The following MAMLD1 variants were observed in gnomAD, a reference collection of about 807,000 sequenced individuals.
MAMLD1 encodes mastermind like domain containing 1.
A neutral mutation model predicts 45.0 loss-of-function variants in MAMLD1; 14 were observed. The observed-to-expected ratio is 0.31, with a 90% CI of 0.21 to 0.49. MAMLD1 has a LOEUF of 0.49. Ranked by LOEUF, MAMLD1 falls within the 20% of genes least tolerant of loss-of-function variation. The pLI is 0.99. For synonymous variants in MAMLD1, 254 were observed against 247.8 expected, an observed-to-expected ratio of 1.02 and a Z score of -0.24; for missense variants, 543 against 603.6, an observed-to-expected ratio of 0.90 and a Z score of 1.05.
intron 1 of MAMLD1, among the ~76,000 whole-genome samples, chrX:150,415,397 G>C (rs1391397149): frequency 8.9e-6 from 1 of 112,563 alleles, no homozygotes; most frequent in African/African-American, 3.2e-5. Flanking sequence ...ATGCATTAAG[G>C]TTACATCGTT....
intron 4 of MAMLD1, among the ~76,000 whole-genome samples, chrX:150,471,742 A>G (rs1333312203): frequency 4.5e-5 from 5 of 112,197 alleles, no homozygotes; most frequent in African/African-American, 1.6e-4. Flanking sequence ...TGCACCCACA[A>G]GGTGCTCCCG....
intron 1 of MAMLD1, among the ~76,000 whole-genome samples, chrX:150,395,142 G>A (rs1309145045): frequency 9.0e-6 from 1 of 111,231 alleles, no homozygotes; most frequent in African/African-American, 3.3e-5. Context: ...TATCATGAAT[G>A]GGTGTTGGAT....
chrX:150,460,965 A>T (rs979163322), intron 2 of MAMLD1, among the ~76,000 whole-genome samples: 1 of 112,612 alleles, frequency 8.9e-6, no homozygotes, highest in African/African-American at 3.2e-5. Flanking sequence ...GGGACCTCGC[A>T]TCTGGAGACT....
chrX:150,446,937 G>C (rs2035507045), intron 2 of MAMLD1, among the ~76,000 whole-genome samples: 1 of 112,594 alleles, frequency 8.9e-6, no homozygotes. Flanking sequence ...CCAAATTGTA[G>C]AAGAAAGTGT....
Position 150,452,516 on chromosome X carries a change from A to G in MAMLD1, c.96+6904A>G, listed in dbSNP as rs781979658. 3.6e-5 allele frequency among the ~76,000 whole-genome samples: 4 copies of G among 111,288 alleles called. No individual in the cohort carries two copies. In the South Asian group the frequency reaches 1.6e-3, roughly 43 times the overall value. On this transcript the variant is annotated intron_variant, in intron 2 of 7. Transcript: ENST00000370401. ...AGGGTGTGCTTTAATCCACTAGCCC[A>G]TGCAAATTGTTCAACAATGTACAAG...
intron 5 of MAMLD1, among the ~76,000 whole-genome samples, chrX:150,480,935 C>A (rs1448557952): frequency 1.8e-5 from 2 of 112,484 alleles, no homozygotes; most frequent in African/African-American, 6.5e-5. Context: ...AGCTTTTTCC[C>A]CTGTAGCATG....
chrX:150,430,706 G>C (rs1469875290), intron 1 of MAMLD1, among the ~76,000 whole-genome samples: 1 of 112,188 alleles, frequency 8.9e-6, no homozygotes, highest in Non-Finnish European at 1.9e-5. Flanking sequence ...CCAGAACCAT[G>C]TGTTGAAAAG....
At chrX:150,428,897 C>T (rs909876250) in intron 1 of MAMLD1, among the ~76,000 whole-genome samples, 1 of 111,674 alleles carries the variant, frequency 9.0e-6, no homozygotes, top group Non-Finnish European at 1.9e-5. Flanking sequence ...CTCACCAGTC[C>T]CCTTTACATT....
At chrX:150,392,792 C>A (rs943385114) in intron 1 of MAMLD1, among the ~76,000 whole-genome samples, 21 of 109,106 alleles carry the variant, frequency 1.9e-4, no homozygotes, top group African/African-American at 6.0e-4. Context: ...AAAAAAAATA[C>A]TTTTTTTAAC....
intron 1 of MAMLD1, among the ~76,000 whole-genome samples, chrX:150,391,042 G>C (rs781944886): frequency 8.9e-6 from 1 of 111,908 alleles, no homozygotes; most frequent in South Asian, 3.7e-4. Context: ...TTGAATTAGT[G>C]TTCCTCTTTA....
At chrX:150,440,908 A>T (rs1371970858) in intron 1 of MAMLD1, among the ~76,000 whole-genome samples, 1 of 104,587 alleles carries the variant, frequency 9.6e-6, no homozygotes, top group Non-Finnish European at 1.9e-5. Flanking sequence ...TATTAAATTT[A>T]AAATATTATT....
chrX:150,398,342 A>AAGAAGAAGAAGAAGAAGAAGAAGG (rs1569564634), intron 1 of MAMLD1, among the ~76,000 whole-genome samples: 1 of 65,111 alleles, frequency 1.5e-5, no homozygotes, highest in Non-Finnish European at 3.1e-5. Flanking sequence ...GAAGAAGAAG[A>AAGAAGAAGAAGAAGAAGAAGAAGG]GGAAGAGGAA....
intron 1 of MAMLD1, among the ~76,000 whole-genome samples, chrX:150,380,568 T>G (rs782504203): frequency 8.9e-6 from 1 of 111,794 alleles, no homozygotes; most frequent in South Asian, 3.7e-4. Flanking sequence ...TATCCGGATT[T>G]GAATCACAGT....
At chrX:150,403,506 T>C (rs1026503836) in intron 1 of MAMLD1, among the ~76,000 whole-genome samples, 1 of 111,926 alleles carries the variant, frequency 8.9e-6, no homozygotes, top group African/African-American at 3.3e-5. Context: ...TGAAATCATA[T>C]TTTTGTACTC....
At chrX:150,411,134 T>G (rs1337646441) in intron 1 of MAMLD1, among the ~76,000 whole-genome samples, 1 of 111,632 alleles carries the variant, frequency 9.0e-6, no homozygotes, top group Non-Finnish European at 1.9e-5. Context: ...CAGACCCCGC[T>G]AAGTCCAAGG....
intron 6 of MAMLD1, chrX:150,505,245 C>T: frequency 5.8e-6 from 1 of 173,154 alleles, no homozygotes; most frequent in African/African-American, 3.1e-5. Context: ...GGAAAGACCC[C>T]TAACATAGAA....
intron 1 of MAMLD1, among the ~76,000 whole-genome samples, chrX:150,395,029 G>A (rs1470047307): frequency 8.9e-6 from 1 of 112,022 alleles, no homozygotes; most frequent in Non-Finnish European, 1.9e-5. Context: ...TAGTAGGAAA[G>A]CTTCTAGTCT....
chrX:150,407,160 A>G (rs2034019247), intron 1 of MAMLD1, among the ~76,000 whole-genome samples: 1 of 112,457 alleles, frequency 8.9e-6, no homozygotes, highest in African/African-American at 3.2e-5. Flanking sequence ...TTAAAAGCAT[A>G]AAATAAAACA....
intron 1 of MAMLD1, among the ~76,000 whole-genome samples, chrX:150,439,144 T>G (rs1283282409): frequency 8.9e-6 from 1 of 112,493 alleles, no homozygotes; most frequent in Non-Finnish European, 1.9e-5. Flanking sequence ...ATATATCTTC[T>G]TTGGGAATAA....
Sources: allele counts gnomAD v4.1 joint callset (sites outside exome capture counted in the v4.1 genomes callset), GRCh38; gene constraint gnomAD v4.1.1; transcripts MANE v1.5; gene names NCBI Gene and HGNC (gene_info 2026-07-23, HGNC 2026-07-21).